ST6GALNAC3: variants seen among roughly 807,000 people sequenced by gnomAD.
ST6GALNAC3 encodes ST6 N-acetylgalactosaminide alpha-2,6-sialyltransferase 3.
In ST6GALNAC3, 25 loss-of-function variants were observed where a neutral mutation model predicts 32.7. The ratio of observed to expected loss-of-function variants is 0.76; its 90% CI spans 0.56 to 1.07. ST6GALNAC3 has a LOEUF of 1.07. Ranked by LOEUF, ST6GALNAC3 falls within the 50% of genes least tolerant of loss-of-function variation. The pLI, the probability that ST6GALNAC3 is intolerant of heterozygous loss-of-function variation, is 0.00. For missense variants in ST6GALNAC3, 355 were observed against 382.4 expected (o/e 0.93, Z 0.60); for synonymous variants, 129 against 133.1 (o/e 0.97, Z 0.21).
intron 2 of ST6GALNAC3, among the ~76,000 whole-genome samples, chr1:76,383,026 C>CA (rs1440080463): frequency 3.3e-5 from 5 of 151,378 alleles, no homozygotes; most frequent in African/African-American, 4.9e-5. Context: ...GAAAACAAAA[C>CA]AAAAAAAACC....
At chr1:76,534,557 C>T (rs1663477602) in intron 3 of ST6GALNAC3, among the ~76,000 whole-genome samples, 1 of 152,086 alleles carries the variant, frequency 6.6e-6, no homozygotes, top group Admixed American at 6.6e-5. Context: ...TTATGTTTCT[C>T]CCTTGTCTCT....
chr1:76,215,247 A>T (rs1266945180), intron 1 of ST6GALNAC3, among the ~76,000 whole-genome samples: 1 of 152,240 alleles, frequency 6.6e-6, no homozygotes, highest in Admixed American at 6.5e-5. Context: ...TAATTAAGAA[A>T]ACTGCAACAG....
chr1:76,202,454 A>G (rs1314255632), intron 1 of ST6GALNAC3, among the ~76,000 whole-genome samples: 4 of 152,278 alleles, frequency 2.6e-5, no homozygotes, highest in Admixed American at 1.3e-4. Flanking sequence ...AAATAAAGCT[A>G]AGGGTCAAAG....
chr1:76,449,023 A>G (rs989097954), intron 3 of ST6GALNAC3, among the ~76,000 whole-genome samples: 2 of 152,038 alleles, frequency 1.3e-5, no homozygotes, highest in East Asian at 1.9e-4. Context: ...GGGTTTCACT[A>G]TGTTGGCCAG....
rs537587756 is a variant in ST6GALNAC3, at chr1:76,345,406, C to T, written c.213+31407C>T. ...GAGTAAGGGGTAAGAGAAGAGAAGA[C>T]AGGAGAAAAGAGAATGAATAAAAGA... is the stretch of plus-strand genomic sequence containing the variant. On this transcript the variant is annotated intron_variant, in intron 2 of 4. Transcript: ENST00000328299. Among the ~76,000 whole-genome samples the T allele has an allele frequency of 2.0e-4, 30 of 151,914 alleles. No homozygotes were observed. The East Asian group carries it at 5.4e-3, about 28-fold the overall frequency.
rs1649150363 is a variant in ST6GALNAC3 at position 76,628,915 on chromosome 1, A to G, written c.*109A>G. On this transcript the variant is annotated 3_prime_UTR_variant, in exon 5 of 5. Transcript: ENST00000328299. ...GGTAATGATAAAGACAACAACAATG[A>G]TTATCAAGTTCCTGTACACTCTCAG... 3 of 1,539,480 alleles carry G rather than the reference A, an allele frequency of 1.9e-6. No individual in the cohort carries two copies. The African/African-American group carries it at 4.2e-5, about 22-fold the overall frequency.
At chr1:76,566,582 C>G (rs1665568095) in intron 3 of ST6GALNAC3, among the ~76,000 whole-genome samples, 1 of 152,096 alleles carries the variant, frequency 6.6e-6, no homozygotes, top group South Asian at 2.1e-4. Flanking sequence ...CTCTGATCCT[C>G]TTCCCTGCGC....
rs765633234 is a variant in ST6GALNAC3 at position 76,629,644 on chromosome 1, T to G, written c.*838T>G. 3.5e-5 allele frequency: 34 copies of G among 985,082 alleles called. No individual in the cohort carries two copies. The highest frequency in any genetic ancestry group is 4.0e-5 in the Non-Finnish European group (33 of 829,426). 61.0% of individuals were successfully genotyped at this position (985,082 alleles called of 1,614,324 possible). ...ACTTCAACACTGTAATAACATATAC[T>G]GTGAAAACATTCCTAAAAAGTAACC... On this transcript the variant is annotated 3_prime_UTR_variant, in exon 5 of 5. Coordinates refer to ENST00000328299, the MANE Select transcript of ST6GALNAC3 (RefSeq NM_152996.4).
chr1:76,442,703 GAAC>G (rs368217923), intron 3 of ST6GALNAC3, among the ~76,000 whole-genome samples: 26 of 152,288 alleles, frequency 1.7e-4, no homozygotes, highest in African/African-American at 6.0e-4. Flanking sequence ...TCATACCACT[GAAC>G]AACAAGGTAC....
At chr1:76,452,279 T>TGA (rs201339495) in intron 3 of ST6GALNAC3, among the ~76,000 whole-genome samples, 1,642 of 152,294 alleles carry the variant, frequency 0.011, 26 homozygotes, top group African/African-American at 0.036. Flanking sequence ...ACGTAAGATG[T>TGA]GACTTGCTCC....
chr1:76,341,625 C>T (rs892185519), intron 2 of ST6GALNAC3, among the ~76,000 whole-genome samples: 1 of 126,126 alleles, frequency 7.9e-6, no homozygotes, highest in African/African-American at 3.3e-5. Flanking sequence ...TTCTTTCTTT[C>T]TTTCTTTCTT....
At chr1:76,312,327 G>A (rs1349605706) in intron 1 of ST6GALNAC3, among the ~76,000 whole-genome samples, 5 of 152,076 alleles carry the variant, frequency 3.3e-5, no homozygotes, top group African/African-American at 1.2e-4. Flanking sequence ...AACCCTAGAA[G>A]AAAACCTAGG....
At chr1:76,461,330 T>A (rs1658264871) in intron 3 of ST6GALNAC3, among the ~76,000 whole-genome samples, 1 of 152,218 alleles carries the variant, frequency 6.6e-6, no homozygotes, top group Non-Finnish European at 1.5e-5. Flanking sequence ...TGGTTGCCCG[T>A]GGCAGACTTT....
intron 2 of ST6GALNAC3, among the ~76,000 whole-genome samples, chr1:76,362,206 C>G (rs1650016176): frequency 6.6e-6 from 1 of 152,060 alleles, no homozygotes; most frequent in African/African-American, 2.4e-5. Context: ...AAGTGCTACA[C>G]ATGTTTAAAC....
At chr1:76,268,884 C>T (rs1363006763) in intron 1 of ST6GALNAC3, among the ~76,000 whole-genome samples, 3 of 152,326 alleles carry the variant, frequency 2.0e-5, no homozygotes, top group Admixed American at 6.5e-5. Context: ...ACTCATTCCT[C>T]GCCGTGGCCC....
intron 1 of ST6GALNAC3, among the ~76,000 whole-genome samples, chr1:76,119,024 T>C (rs1648678948): frequency 6.6e-6 from 1 of 152,180 alleles, no homozygotes; most frequent in Non-Finnish European, 1.5e-5. Context: ...GGTTTCACCA[T>C]GTTGGTCAGG....
chr1:76,262,406 A>G (rs978327691), intron 1 of ST6GALNAC3, among the ~76,000 whole-genome samples: 1 of 152,206 alleles, frequency 6.6e-6, no homozygotes, highest in Admixed American at 6.5e-5. Flanking sequence ...ATGCATACAG[A>G]AACAGGAACA....
intron 3 of ST6GALNAC3, among the ~76,000 whole-genome samples, chr1:76,450,988 C>A (rs1373699749): frequency 1.3e-5 from 2 of 152,092 alleles, no homozygotes; most frequent in African/African-American, 4.8e-5. Flanking sequence ...AATGTGATGT[C>A]TTCAGATTTG....
chr1:76,570,042 T>C (rs1385576674), intron 3 of ST6GALNAC3, among the ~76,000 whole-genome samples: 2 of 152,132 alleles, frequency 1.3e-5, no homozygotes, highest in South Asian at 2.1e-4. Context: ...GCTAATCCAT[T>C]TTCTGTAATG....
Sources: allele counts gnomAD v4.1 joint callset (sites outside exome capture counted in the v4.1 genomes callset), GRCh38; gene constraint gnomAD v4.1.1; transcripts MANE v1.5; gene names NCBI Gene and HGNC (gene_info 2026-07-23, HGNC 2026-07-21).